The following PPM1L variants were observed in gnomAD, a reference collection of about 807,000 sequenced individuals.
PPM1L encodes the protein protein phosphatase 1L.
PPM1L carries 13 observed loss-of-function variants against 31.4 expected under a neutral mutation model. The ratio of observed to expected loss-of-function variants is 0.41; its 90% CI spans 0.27 to 0.66. The LOEUF is 0.66. PPM1L is among the 30% of genes least tolerant of loss of function. The pLI is 0.29. For missense variants in PPM1L, 326 were observed against 453.7 expected (o/e 0.72, Z 2.56); for synonymous variants, 184 against 175.4 (o/e 1.05, Z -0.39).
intron 2 of PPM1L, among the ~76,000 whole-genome samples, chr3:160,970,558 T>C (rs1461748041): frequency 6.7e-6 from 1 of 149,020 alleles, no homozygotes; most frequent in Non-Finnish European, 1.5e-5. Flanking sequence ...CAAGCAATTC[T>C]CGTGCATCAG....
intron 1 of PPM1L, among the ~76,000 whole-genome samples, chr3:160,862,804 A>G (rs919863827): frequency 6.6e-6 from 1 of 152,130 alleles, no homozygotes; most frequent in Non-Finnish European, 1.5e-5. Context: ...AGGGGGGAAA[A>G]AAGCTTTAAT....
intron 1 of PPM1L, among the ~76,000 whole-genome samples, chr3:160,791,320 T>A (rs1712099180): frequency 6.6e-6 from 1 of 152,168 alleles, no homozygotes. Context: ...TTTCCTAGTC[T>A]CTGTTTCTCA....
intron 1 of PPM1L, among the ~76,000 whole-genome samples, chr3:160,874,086 G>A (rs1054076026): frequency 1.3e-5 from 2 of 152,118 alleles, no homozygotes; most frequent in African/African-American, 4.8e-5. Context: ...TTGTTATGTG[G>A]GGTTTTGTGG....
At position 161,075,052 on chromosome 3, in the gene PPM1L, T is replaced by A. The variant is rs551253169; in HGVS notation, c.*5895T>A. The A allele has an allele frequency of 6.6e-6, 1 of 152,114 alleles. No homozygotes were observed. Among genetic ancestry groups the A allele is most frequent in the South Asian group, 2.1e-4 (1 of 4,826 alleles). The allele number at this position is 152,114 out of a possible 1,614,324, so 9.4% of individuals were successfully genotyped here. A position where few individuals can be genotyped will look rare whatever the true frequency, so the allele number is the denominator to read the frequency against. ...TAAGGGCACTGGTGGCAGATTGTGG[T>A]GGAGAGAGGGCTGAGTGACCCAGAG... On this transcript the variant is annotated 3_prime_UTR_variant, in exon 4 of 4. Transcript: ENST00000498165.
At chr3:160,822,218 C>G (rs1230151731) in intron 1 of PPM1L, among the ~76,000 whole-genome samples, 1 of 151,792 alleles carries the variant, frequency 6.6e-6, no homozygotes, top group African/African-American at 2.4e-5. Flanking sequence ...TAAAAGCGGA[C>G]TTCTTGGCAA....
intron 1 of PPM1L, among the ~76,000 whole-genome samples, chr3:160,930,262 T>TA (rs546483305): frequency 0.077 from 11,264 of 145,342 alleles, 1,041 homozygotes; most frequent in African/African-American, 0.22. Context: ...AGCAGTCCCT[T>TA]AAAAAAAAAA....
chr3:160,947,539 C>T (rs192569209), intron 1 of PPM1L, among the ~76,000 whole-genome samples: 1 of 152,248 alleles, frequency 6.6e-6, no homozygotes, highest in Admixed American at 6.5e-5. Context: ...TCACCCCCAA[C>T]CAGGCTATTT....
chr3:161,002,186 C>T (rs914912473), intron 2 of PPM1L, among the ~76,000 whole-genome samples: 1 of 152,190 alleles, frequency 6.6e-6, no homozygotes, highest in African/African-American at 2.4e-5. Flanking sequence ...TTTATGGCCG[C>T]ATAGTATTCC....
intron 1 of PPM1L, among the ~76,000 whole-genome samples, chr3:160,957,576 A>AC (rs1160241453): frequency 2.8e-5 from 3 of 105,314 alleles, no homozygotes; most frequent in African/African-American, 9.0e-5. Flanking sequence ...TTATTATTTG[A>AC]CTTTTTTTTT....
At chr3:160,843,502 A>G (rs1389675292) in intron 1 of PPM1L, among the ~76,000 whole-genome samples, 1 of 134,456 alleles carries the variant, frequency 7.4e-6, no homozygotes, top group African/African-American at 2.7e-5. Flanking sequence ...GTTCTAGGGT[A>G]CATGTGCACA....
rs3063236 is a variant in PPM1L, at chr3:160,920,586, T to TTCTCTC, written c.400-41125_400-41120dup. On this transcript the variant is annotated intron_variant, in intron 1 of 3. Transcript: ENST00000498165. ...CAGCAACTGCACTTATGCATTTAGT[T>TTCTCTC]TCTCTCTCTCTCTCTCTCTCTCTCT... 7.1e-3 allele frequency among the ~76,000 whole-genome samples: 855 copies of TTCTCTC among 120,170 alleles called. 7 individuals carry two copies. The highest frequency in any genetic ancestry group is 0.024 in the African/African-American group (689 of 28,672). The allele number at this position is 120,170 out of a possible 152,430, so 78.8% of individuals were successfully genotyped here.
chr3:160,848,485 C>T (rs1461352887), intron 1 of PPM1L, among the ~76,000 whole-genome samples: 1 of 152,180 alleles, frequency 6.6e-6, no homozygotes, highest in Non-Finnish European at 1.5e-5. Context: ...AGTGCCCTCT[C>T]CCACATCTTC....
chr3:160,781,863 A>C (rs1171680471), intron 1 of PPM1L, among the ~76,000 whole-genome samples: 1 of 152,198 alleles, frequency 6.6e-6, no homozygotes, highest in African/African-American at 2.4e-5. Flanking sequence ...CATGAGCCGT[A>C]CCTATGTGTC....
At chr3:160,946,058 T>C (rs960991659) in intron 1 of PPM1L, among the ~76,000 whole-genome samples, 1 of 152,128 alleles carries the variant, frequency 6.6e-6, no homozygotes, top group Non-Finnish European at 1.5e-5. Context: ...TTTGACTGTG[T>C]TGGAGTTAAG....
At chr3:160,890,827 T>C (rs1713112782) in intron 1 of PPM1L, among the ~76,000 whole-genome samples, 1 of 152,154 alleles carries the variant, frequency 6.6e-6, no homozygotes. Context: ...GCCACACATC[T>C]ACAACCATCT....
intron 1 of PPM1L, among the ~76,000 whole-genome samples, chr3:160,926,924 T>C (rs541874627): frequency 5.3e-5 from 8 of 152,350 alleles, no homozygotes; most frequent in African/African-American, 1.9e-4. Context: ...ATTTCAAGTA[T>C]ATTCCAAGGA....
chr3:160,888,885 G>A (rs1323364429), intron 1 of PPM1L, among the ~76,000 whole-genome samples: 1 of 152,046 alleles, frequency 6.6e-6, no homozygotes, highest in East Asian at 1.9e-4. Context: ...GATAAATAAT[G>A]AAATTAGGGC....
chr3:161,045,603 C>T (rs1719035565), intron 2 of PPM1L, among the ~76,000 whole-genome samples: 2 of 152,206 alleles, frequency 1.3e-5, no homozygotes, highest in Admixed American at 1.3e-4. Flanking sequence ...ACCAGAATCT[C>T]TTGGACACAT....
intron 1 of PPM1L, among the ~76,000 whole-genome samples, chr3:160,853,628 A>G (rs972850031): frequency 4.6e-5 from 7 of 152,144 alleles, no homozygotes; most frequent in African/African-American, 1.7e-4. Flanking sequence ...TGTTCACCTG[A>G]AGAGTATTGA....
Sources: allele counts gnomAD v4.1 joint callset (sites outside exome capture counted in the v4.1 genomes callset), GRCh38; gene constraint gnomAD v4.1.1; transcripts MANE v1.5; gene names NCBI Gene and HGNC (gene_info 2026-07-23, HGNC 2026-07-21).